Variants in ZNF276 observed in about 807,000 individuals in gnomAD.
ZNF276 encodes centromere protein Z.
A neutral mutation model predicts 63.9 loss-of-function variants in ZNF276; 59 were observed. That is an observed-to-expected ratio of 0.92 (90% CI 0.75 to 1.15). ZNF276 has a LOEUF of 1.15. Ranked by LOEUF, ZNF276 falls within the 50% of genes most tolerant of loss-of-function variation. The pLI, the probability that ZNF276 is intolerant of heterozygous loss-of-function variation, is 0.00. For missense variants in ZNF276, 1,084 were observed against 843.8 expected (o/e 1.28, Z -3.53); for synonymous variants, 496 against 348.4 (o/e 1.42, Z -4.72).
upstream of ZNF276, chr16:89,720,877 A>AGGC (rs2061247238): frequency 7.4e-7 from 1 of 1,349,056 alleles, no homozygotes; most frequent in Non-Finnish European, 9.5e-7. Flanking sequence ...CGAGCGGGGG[A>AGGC]GGCGGCGGCG....
In ZNF276 at chr16:89,734,135, G is replaced by C. The variant is rs189355354; in HGVS notation, c.1474+97G>C. On this transcript the variant is annotated intron_variant, in intron 9 of 10. Coordinates refer to ENST00000443381, the MANE Select transcript of ZNF276 (RefSeq NM_001113525.2). ...ATACCCATCCCCGCCCCAAGAGTTG[G>C]GGGTGCGTGAAGGTGGCTCATGGGG... 4.9e-6 allele frequency: 6 copies of C among 1,212,336 alleles called. No individual in the cohort carries two copies. The African/African-American group carries it at 9.0e-5, about 18-fold the overall frequency. 75.1% of individuals were successfully genotyped at this position (1,212,336 alleles called of 1,614,324 possible).
In ZNF276 at chr16:89,733,475, A is replaced by G. The variant is rs1355887962; in HGVS notation, c.1281-7A>G. 8.1e-6 allele frequency: 13 copies of G among 1,614,030 alleles called. No individual in the cohort carries two copies. The highest frequency in any genetic ancestry group is 1.1e-5 in the Non-Finnish European group (13 of 1,180,006). On this transcript the variant is annotated splice_region_variant and splice_polypyrimidine_tract_variant and intron_variant, in intron 7 of 10. Coordinates refer to ENST00000443381, the MANE Select transcript of ZNF276 (RefSeq NM_001113525.2). ...GGCCGGGGCTCCATGCATGCTCTTCATTGCAGGGAGGAGCTTCCCACCATC... is the reference window on the plus strand; with the variant it reads ...GGCCGGGGCTCCATGCATGCTCTTCGTTGCAGGGAGGAGCTTCCCACCATC...
Position 89,739,315 on chromosome 16 carries a change from T to C in ZNF276, c.*1069T>C. On this transcript the variant is annotated 3_prime_UTR_variant, in exon 11 of 11. Coordinates refer to ENST00000443381, the MANE Select transcript of ZNF276 (RefSeq NM_001113525.2). ...CTAGAGGTAAAGACATAGTGACAAA[T>C]GGCTACAGACTGCTGGAAAGGTAGC... The C allele has an allele frequency of 6.2e-7, 1 of 1,613,962 alleles. No homozygotes were observed. Among genetic ancestry groups the C allele is most frequent in the Non-Finnish European group, 8.5e-7 (1 of 1,179,940 alleles).
chr16:89,739,606 A>G lies in ZNF276; in HGVS notation c.*1360A>G, dbSNP rs2062073814. 2.0e-6 allele frequency: 3 copies of G among 1,538,242 alleles called. No individual in the cohort carries two copies. Among genetic ancestry groups the G allele is most frequent in the Non-Finnish European group, 2.6e-6 (3 of 1,135,740 alleles). ...ACTCTGGACATCTCTGCCTATTATC[A>G]GTGCTGGGGACACCCCTGGGGGTCG... is the stretch of plus-strand genomic sequence containing the variant. On this transcript the variant is annotated 3_prime_UTR_variant, in exon 11 of 11. Transcript: ENST00000443381.
chr16:89,740,055 G>C lies in ZNF276; in HGVS notation c.*1809G>C. The C allele has an allele frequency of 6.2e-7, 1 of 1,614,176 alleles. No individual in the cohort carries two copies. Among genetic ancestry groups the C allele is most frequent in the Non-Finnish European group, 8.5e-7 (1 of 1,180,042 alleles). On this transcript the variant is annotated 3_prime_UTR_variant, in exon 11 of 11. Transcript: ENST00000443381. ...TCTTCCTCTTCTCTAAACACTCGAG[G>C]ATTGCTGCACAAACGTGGAAAGCCT...
intron 5 of ZNF276, among the ~76,000 whole-genome samples, chr16:89,727,774 C>T (rs2061513658): frequency 6.6e-6 from 1 of 152,184 alleles, no homozygotes; most frequent in African/African-American, 2.4e-5. Flanking sequence ...TGTTTTAGGG[C>T]CATAGTTTTG....
rs2061283297 is a variant in ZNF276 at position 89,721,700 on chromosome 16, C to T, written c.60C>T (p.Ala20=). Residue 20 remains alanine (A), a synonymous_variant, in exon 1 of 11, where the codon GCC becomes GCT. Coordinates refer to ENST00000443381, the MANE Select transcript of ZNF276 (RefSeq NM_001113525.2). ...LSPGSSRQCG[A]SDGGGGVSRT... is the part of the protein sequence containing the mutation. ...CTGGGTCGTCCCGACAGTGCGGGGCCTCGGACGGCGGCGGCGGCGTCAGCC... is the reference window on the plus strand; with the variant it reads ...CTGGGTCGTCCCGACAGTGCGGGGCTTCGGACGGCGGCGGCGGCGTCAGCC... 7.2e-7 allele frequency: 1 copy of T among 1,383,396 alleles called. No homozygotes were observed. The highest frequency in any genetic ancestry group is 9.3e-7 in the Non-Finnish European group (1 of 1,069,988). 85.7% of individuals were successfully genotyped at this position (1,383,396 alleles called of 1,614,324 possible).
At position 89,738,497 on chromosome 16, in the gene ZNF276, C is replaced by G. The variant is rs55859244; in HGVS notation, c.*251C>G. 1.9e-6 allele frequency: 3 copies of G among 1,548,846 alleles called. No individual in the cohort carries two copies. The highest frequency in any genetic ancestry group is 1.1e-5 in the South Asian group (1 of 88,762). On this transcript the variant is annotated 3_prime_UTR_variant, in exon 11 of 11. Transcript: ENST00000443381. ...TGATTCCTTTCCCCACTAAAGCAGT[C>G]GAGGAGATTTGTAATCCACTTTTTA...
upstream of ZNF276, chr16:89,721,535 C>G: frequency 1.1e-5 from 13 of 1,200,590 alleles, no homozygotes; most frequent in Non-Finnish European, 1.5e-5. Flanking sequence ...CGCCCCTCCC[C>G]CGCCCCGCCT....
intron 9 of ZNF276, among the ~76,000 whole-genome samples, chr16:89,736,232 G>T (rs187516744): frequency 6.6e-6 from 1 of 152,106 alleles, no homozygotes; most frequent in East Asian, 1.9e-4. Flanking sequence ...TTGCTATGTT[G>T]GCCAGGCTGG....
At chr16:89,723,841 G>T in intron 4 of ZNF276, 132 bp downstream of exon 4, 1 of 1,036,094 alleles carries the variant, frequency 9.7e-7, no homozygotes, top group Non-Finnish European at 1.4e-6. Flanking sequence ...AGCAGAGCTT[G>T]GGGCTTCTGC....
chr16:89,726,981 C>A (rs1424669924), intron 4 of ZNF276, among the ~76,000 whole-genome samples: 1 of 152,214 alleles, frequency 6.6e-6, no homozygotes, highest in Non-Finnish European at 1.5e-5. Context: ...TCCACCAAGT[C>A]CAGGCTGTCC....
chr16:89,734,015 G>T lies in ZNF276; in HGVS notation c.1451G>T (p.Arg484Leu). 6.2e-7 allele frequency: 1 copy of T among 1,614,052 alleles called. No individual in the cohort carries two copies. Among genetic ancestry groups the T allele is most frequent in the Non-Finnish European group, 8.5e-7 (1 of 1,180,018 alleles). ...TTCATGATCGACCGCTACCTGCAGC[G>T]CCACGTGAAGCTCATCCACACAGGT... ...KVFMIDRYLQ[R>L]HVKLIHTEVR... Residue 484 changes from arginine to leucine, a missense_variant, in exon 9 of 11, where the codon CGC becomes CTC. Transcript: ENST00000443381.
rs748646193 is a variant in ZNF276 at position 89,723,223 on chromosome 16, C to T, written c.557-37C>T. 3.7e-6 allele frequency: 6 copies of T among 1,613,066 alleles called. No individual in the cohort carries two copies. In the East Asian group the frequency reaches 6.7e-5, roughly 18 times the overall value. On this transcript the variant is annotated intron_variant, in intron 3 of 10. Transcript: ENST00000443381. ...GGTGGAGGGTGGGCTGGGTGCCGAC[C>T]AGCCGTGGATCTGACATCTCTGTTG... is the stretch of plus-strand genomic sequence containing the variant.
intron 5 of ZNF276, among the ~76,000 whole-genome samples, chr16:89,728,737 G>T (rs998073602): frequency 6.6e-6 from 1 of 151,904 alleles, no homozygotes; most frequent in African/African-American, 2.4e-5. Context: ...GGGTTTCACG[G>T]TATTGGCCAG....
chr16:89,725,596 CCTGA>C (rs1192482242), intron 4 of ZNF276, among the ~76,000 whole-genome samples: 5 of 151,872 alleles, frequency 3.3e-5, no homozygotes, highest in Admixed American at 6.6e-5. Context: ...TCGAGACCAT[CCTGA>C]CTAACACGGT....
intron 5 of ZNF276, among the ~76,000 whole-genome samples, chr16:89,728,549 C>G (rs1164996019): frequency 6.6e-6 from 1 of 152,164 alleles, no homozygotes; most frequent in Non-Finnish European, 1.5e-5. Flanking sequence ...ACTACAGGCA[C>G]CCGCCACCAC....
intron 6 of ZNF276, among the ~76,000 whole-genome samples, chr16:89,730,992 C>T (rs918706670): frequency 1.3e-5 from 2 of 152,218 alleles, no homozygotes; most frequent in Admixed American, 6.5e-5. Context: ...AGCAGTGAGG[C>T]CTGAGCCCAG....
Position 89,739,765 on chromosome 16 carries a change from C to CAG in ZNF276, c.*1526_*1527dup, listed in dbSNP as rs1428932772. The CAG allele has an allele frequency of 6.8e-7, 1 of 1,476,548 alleles. No individual in the cohort carries two copies. The highest frequency in any genetic ancestry group is 1.4e-5 in the African/African-American group (1 of 71,590). The allele number at this position is 1,476,548 out of a possible 1,614,324, so 91.5% of individuals were successfully genotyped here. A position where few individuals can be genotyped will look rare whatever the true frequency, so the allele number is the denominator to read the frequency against. ...CTCTTGCAGGAGGGTGGGTGTGGTG[C>CAG]AGAGAGAGGCAGTCCCCATGATAGG... On this transcript the variant is annotated 3_prime_UTR_variant, in exon 11 of 11. Coordinates refer to ENST00000443381, the MANE Select transcript of ZNF276 (RefSeq NM_001113525.2).
Sources: gnomAD v4.1 joint callset for allele counts (sites outside exome capture counted in the v4.1 genomes callset) on GRCh38, gnomAD v4.1.1 for gene constraint, MANE v1.5 for transcripts, NCBI Gene and HGNC (gene_info 2026-07-23, HGNC 2026-07-21) for gene names.